Variants in PPP1R10 observed in about 807,000 individuals in gnomAD.
The protein encoded by PPP1R10 is serine/threonine-protein phosphatase 1 regulatory subunit 10.
In PPP1R10, 15 loss-of-function variants were observed where a neutral mutation model predicts 99.0. The ratio of observed to expected loss-of-function variants is 0.15; its 90% CI spans 0.10 to 0.23. The LOEUF (loss-of-function observed/expected upper bound fraction) is 0.23. Among genes scored for constraint, PPP1R10 ranks in the 10% least tolerant of loss-of-function variants. The pLI is 1.00. For synonymous variants in PPP1R10, 430 were observed against 449.5 expected, an observed-to-expected ratio of 0.96 and a Z score of 0.55; for missense variants, 947 against 1,259.4, an observed-to-expected ratio of 0.75 and a Z score of 3.75.
Position 30,603,653 on chromosome 6 carries a change from T to C in PPP1R10, c.1586A>G (p.Asp529Gly). The C allele has an allele frequency of 6.2e-7, 1 of 1,601,464 alleles. No individual in the cohort carries two copies. Among genetic ancestry groups the C allele is most frequent in the Non-Finnish European group, 8.5e-7 (1 of 1,175,474 alleles). ...LIPLDEECSM[D>G]ETPYVETLEP... ...CAGAGTCTCAACATACGGAGTCTCA[T>C]CCATGGAACACTCCTGAAAGAAGAA... is the stretch of plus-strand genomic sequence containing the variant. The change falls in exon 16 of 20, where the codon GAT becomes GGT. Residue 529 changes from aspartate (D) to glycine (G), a missense_variant. Physicochemically the swap from Asp to Gly is moderately conservative, Grantham distance 94. Transcript: ENST00000376511.
Position 30,602,533 on chromosome 6 carries a change from CTCTATGGTATGGTCCAGG to C in PPP1R10, c.2098_2115del (p.Pro700_Arg705del). The stretch of plus-strand genomic sequence containing the variant: ...TCGTTTCCTCCTCGGCCACCTCGGC[CTCTATGGTATGGTCCAGG>C]ACCTGGTCCTGGACCCCCCCGCATT... On this transcript the variant is annotated inframe_deletion, in exon 19 of 20. Coordinates refer to ENST00000376511, the MANE Select transcript of PPP1R10 (RefSeq NM_002714.4). The surrounding 1 kb of genome is among the most constrained non-coding windows in gnomAD (Gnocchi z 6.7). The C allele has an allele frequency of 6.4e-7, 1 of 1,572,432 alleles. No individual in the cohort carries two copies. The highest frequency in any genetic ancestry group is 8.6e-7 in the Non-Finnish European group (1 of 1,158,114).
Position 30,603,502 on chromosome 6 carries a change from A to G in PPP1R10, c.1737T>C (p.Ile579=), listed in dbSNP as rs370174254. ...KGPQGPGGGG[I]NVQEILTSIM... ...TGGAGGTGAGGATCTCTTGGACATT[A>G]ATGCCTCCTCCTCCAGGGCCTTGGG... The change falls in exon 16 of 20, where the codon ATT becomes ATC. Residue 579 remains isoleucine, a synonymous_variant. Coordinates refer to ENST00000376511, the MANE Select transcript of PPP1R10 (RefSeq NM_002714.4). The G allele has an allele frequency of 3.1e-6, 5 of 1,612,400 alleles. No individual in the cohort carries two copies. The highest frequency in any genetic ancestry group is 4.2e-6 in the Non-Finnish European group (5 of 1,179,354).
In PPP1R10 at chr6:30,605,033, A is replaced by C. The variant is rs776784786; in HGVS notation, c.915T>G (p.Ile305Met). 1 of 1,612,612 alleles carries C rather than the reference A, an allele frequency of 6.2e-7. No individual in the cohort carries two copies. The highest frequency in any genetic ancestry group is 8.5e-7 in the Non-Finnish European group (1 of 1,179,912). Residue 305 changes from isoleucine (I) to methionine (M), a missense_variant, in exon 11 of 20, where the codon ATT becomes ATG. This residue lies in a region of PPP1R10 where 26 missense variants were observed against 56.6 expected (regional missense o/e 0.46). Coordinates refer to ENST00000376511, the MANE Select transcript of PPP1R10 (RefSeq NM_002714.4). ...GTGACAGTACTTTTTTTTTCTTCTT[A>C]ATTTTGATGCCTGGAACAGGGGCTG... ...LNSAPVPGIKIKKKKKVLSPT... is the reference protein window; with the variant it reads ...LNSAPVPGIKMKKKKKVLSPT...
rs542567883 is a variant in PPP1R10, at chr6:30,600,457, C to CA, written c.*1091dup. On this transcript the variant is annotated 3_prime_UTR_variant, in exon 20 of 20. Transcript: ENST00000376511. ...TATTAATGTACAAAATATACAAAACCAAAAAAAAAAATACTCATCCTCAAA... is the reference window on the plus strand; with the variant it reads ...TATTAATGTACAAAATATACAAAACCAAAAAAAAAAAATACTCATCCTCAAA... 0.054 allele frequency: 7,946 copies of CA among 146,360 alleles called. 398 individuals carry two copies. Among genetic ancestry groups the CA allele is most frequent in the African/African-American group, 0.13 (5,377 of 40,132 alleles). The allele number at this position is 146,360 out of a possible 1,614,324, so 9.1% of individuals were successfully genotyped here. A position where few individuals can be genotyped will look rare whatever the true frequency, so the allele number is the denominator to read the frequency against.
intron 2 of PPP1R10, among the ~76,000 whole-genome samples, chr6:30,613,207 TA>T (rs1166456479): frequency 6.6e-6 from 1 of 152,172 alleles, no homozygotes; most frequent in African/African-American, 2.4e-5. Flanking sequence ...GTTATTCAAT[TA>T]AATAGGGTGA....
At chr6:30,616,159 T>C (rs1257545485) in intron 2 of PPP1R10, among the ~76,000 whole-genome samples, 2 of 152,188 alleles carry the variant, frequency 1.3e-5, no homozygotes, top group African/African-American at 2.4e-5. Flanking sequence ...TTCCTCCTTA[T>C]ATAAACACAT....
intron 17 of PPP1R10, 42 bp downstream of exon 17, chr6:30,603,168 G>A (rs751315092): frequency 2.4e-5 from 38 of 1,570,854 alleles, no homozygotes; most frequent in Non-Finnish European, 3.2e-5. Flanking sequence ...CTCCACTGCA[G>A]GCTTCCTCCC....
chr6:30,609,218 C>T lies in PPP1R10; in HGVS notation c.108-55G>A. Reference sequence around the variant, plus strand: ...AAGCAGCCAGTATCTCTTCTCTTAGCAAAAGCGCCTCTCTGTGAACTGCCT... The same window carrying T: ...AAGCAGCCAGTATCTCTTCTCTTAGTAAAAGCGCCTCTCTGTGAACTGCCT... On this transcript the variant is annotated intron_variant, in intron 3 of 19. Transcript: ENST00000376511. This position sits in a 1 kb window ranked among gnomAD's most constrained non-coding sequence, Gnocchi z 4.5. 6.4e-7 allele frequency: 1 copy of T among 1,550,428 alleles called. No homozygotes were observed. The highest frequency in any genetic ancestry group is 1.1e-5 in the South Asian group (1 of 89,482).
Position 30,602,158 on chromosome 6 carries a change from G to A in PPP1R10, c.2491C>T (p.Pro831Ser), listed in dbSNP as rs1803390142. 5 of 1,610,364 alleles carry A rather than the reference G, an allele frequency of 3.1e-6. No homozygotes were observed. The highest frequency in any genetic ancestry group is 4.2e-6 in the Non-Finnish European group (5 of 1,178,938). Residue 831 changes from proline (P) to serine (S), a missense_variant, in exon 19 of 20, where the codon CCC (proline) becomes TCC (serine). Physicochemically the swap from Pro to Ser is moderately conservative, Grantham distance 74 (BLOSUM62 -1). Transcript: ENST00000376511. The surrounding 1 kb of genome is among the most constrained non-coding windows in gnomAD (Gnocchi z 6.7). ...ATGCTTCCGCCAGGGCCTTCGTGGG[G>A]GCGATGTCCACCACCGGCACCCATT... ...GGMGAGGGHR[P>S]HEGPGGSMGG...
Position 30,609,998 on chromosome 6 carries a change from G to T in PPP1R10, c.-11-43C>A. On this transcript the variant is annotated intron_variant, in intron 2 of 19. Coordinates refer to ENST00000376511, the MANE Select transcript of PPP1R10 (RefSeq NM_002714.4). This position sits in a 1 kb window ranked among gnomAD's most constrained non-coding sequence, Gnocchi z 4.5. ...AACAAACAAACCCACAGAATAAATGGGTGGCAAGGACTACCCGAGTAGGCC... is the reference window on the plus strand; with the variant it reads ...AACAAACAAACCCACAGAATAAATGTGTGGCAAGGACTACCCGAGTAGGCC... 7.2e-7 allele frequency: 1 copy of T among 1,397,514 alleles called. No homozygotes were observed. Among genetic ancestry groups the T allele is most frequent in the Admixed American group, 1.7e-5 (1 of 59,266 alleles). The allele number at this position is 1,397,514 out of a possible 1,614,324, so 86.6% of individuals were successfully genotyped here.
chr6:30,603,410 G>A, intron 16 of PPP1R10, 62 bp downstream of exon 16: 2 of 1,590,658 alleles, frequency 1.3e-6, no homozygotes, highest in Admixed American at 3.4e-5. Context: ...ATGGGAGACA[G>A]TGAGGAGAGC....
chr6:30,613,463 C>A (rs1451118049), intron 2 of PPP1R10, among the ~76,000 whole-genome samples: 3 of 152,178 alleles, frequency 2.0e-5, no homozygotes, highest in African/African-American at 4.8e-5. Context: ...CCTAGTTTGA[C>A]ACAATAGTGG....
rs760305884 is a variant in PPP1R10 at position 30,604,175 on chromosome 6, C to T, written c.1341G>A (p.Ala447=). The change falls in exon 14 of 20, where the codon GCG becomes GCA. Residue 447 remains alanine (A), a synonymous_variant. Transcript: ENST00000376511. The surrounding 1 kb of genome is among the most constrained non-coding windows in gnomAD (Gnocchi z 7.3). ...ILSDRHAFET[A]RRLSHDNMEE... ...CCATGTTATCATGGCTCAGACGCCG[C>T]GCTGTCTCAAATGCATGTCGGTCTG... 69 of 1,614,086 alleles carry T rather than the reference C, an allele frequency of 4.3e-5. No individual in the cohort carries two copies. Among genetic ancestry groups the T allele is most frequent in the Non-Finnish European group, 4.6e-5 (54 of 1,180,042 alleles).
chr6:30,601,764 C>A, intron 19 of PPP1R10, 106 bp from the exon 20 acceptor site: 7 of 1,354,134 alleles, frequency 5.2e-6, no homozygotes, highest in South Asian at 1.3e-5. Context: ...CAGAGACAAT[C>A]TTGGGGATTT....
intron 2 of PPP1R10, among the ~76,000 whole-genome samples, chr6:30,610,276 G>C (rs964108072): frequency 2.0e-5 from 3 of 152,122 alleles, no homozygotes; most frequent in Admixed American, 6.6e-5. Flanking sequence ...TCGTATTAAA[G>C]CTAAGATCAG....
chr6:30,604,141 C>A lies in PPP1R10; in HGVS notation c.1375G>T (p.Val459Leu). Residue 459 changes from valine to leucine, a missense_variant, in exon 14 of 20, where the codon GTG (valine) becomes TTG (leucine). Around this residue, in one of 10 missense-constraint regions of PPP1R10, gnomAD observed 50 missense variants for 78.6 expected, o/e 0.64. Transcript: ENST00000376511. The surrounding 1 kb of genome is among the most constrained non-coding windows in gnomAD (Gnocchi z 7.3). ...AGGGGCCGGGGGCACACCCAGGGCA[C>A]CTTCTCCTCCATGTTATCATGGCTC... ...RLSHDNMEEK[V>L]PWVCPRPLVL... The A allele has an allele frequency of 1.9e-6, 3 of 1,614,120 alleles. No individual in the cohort carries two copies. Among genetic ancestry groups the A allele is most frequent in the Non-Finnish European group, 2.5e-6 (3 of 1,180,022 alleles).
At chr6:30,607,001 C>T (rs1804020475) in intron 6 of PPP1R10, 145 bp from the exon 7 acceptor site, 2 of 720,142 alleles carry the variant, frequency 2.8e-6, no homozygotes, top group Middle Eastern at 3.7e-4. Context: ...ATGAGATATG[C>T]TTAAAAACCA....
chr6:30,604,745 A>G lies in PPP1R10; in HGVS notation c.955-10T>C. On this transcript the variant is annotated splice_polypyrimidine_tract_variant and intron_variant, in intron 11 of 19. Transcript: ENST00000376511. The surrounding 1 kb of genome is among the most constrained non-coding windows in gnomAD (Gnocchi z 7.3). Reference sequence around the variant, plus strand: ...CTTCAAAGGGGCTTGGCTATTGTGAAAGAAAAGGAAGTTAATGAACTGACT... The same window carrying G: ...CTTCAAAGGGGCTTGGCTATTGTGAGAGAAAAGGAAGTTAATGAACTGACT... 1.9e-6 allele frequency: 3 copies of G among 1,612,896 alleles called. No individual in the cohort carries two copies. The highest frequency in any genetic ancestry group is 1.7e-6 in the Non-Finnish European group (2 of 1,180,000).
chr6:30,615,457 C>T (rs916277616), intron 2 of PPP1R10, among the ~76,000 whole-genome samples: 1 of 152,056 alleles, frequency 6.6e-6, no homozygotes, highest in Non-Finnish European at 1.5e-5. Context: ...CCCCTCTCAA[C>T]AAATAGGGTT....
Sources: allele counts gnomAD v4.1 joint callset (sites outside exome capture counted in the v4.1 genomes callset), GRCh38; gene constraint gnomAD v4.1.1; regional missense constraint gnomAD v4.1.1; non-coding constraint Gnocchi (gnomAD v3.1); transcripts MANE v1.5; gene names NCBI Gene and HGNC (gene_info 2026-07-23, HGNC 2026-07-21).